PNPLA6: variants seen among roughly 807,000 people sequenced by gnomAD.
PNPLA6 encodes the protein patatin-like phospholipase domain-containing protein 6.
In PNPLA6, 105 loss-of-function variants were observed where a neutral mutation model predicts 153.7. The ratio of observed to expected loss-of-function variants is 0.68; its 90% CI spans 0.58 to 0.80. The LOEUF (loss-of-function observed/expected upper bound fraction) is 0.80. Ranked by LOEUF, PNPLA6 falls within the 30% of genes least tolerant of loss-of-function variation. The pLI is 0.00. For missense variants in PNPLA6, 1,423 were observed against 1,919.3 expected, an observed-to-expected ratio of 0.74 and a Z score of 4.83; for synonymous variants, 825 against 822.2, an observed-to-expected ratio of 1.00 and a Z score of -0.06.
Position 7,541,065 on chromosome 19 carries a change from C to G in PNPLA6, c.924+14C>G. Reference sequence around the variant, plus strand: ...CGGGTCGTGCAGGTCAGTGGGCCTTCGCCTCCTGTCACCCCCTGAGGGACC... The same window carrying G: ...CGGGTCGTGCAGGTCAGTGGGCCTTGGCCTCCTGTCACCCCCTGAGGGACC... On this transcript the variant is annotated intron_variant, in intron 7 of 31. Coordinates refer to ENST00000600737, the MANE Select transcript of PNPLA6 (RefSeq NM_001166114.2). This position sits in a 1 kb window ranked among gnomAD's most constrained non-coding sequence, Gnocchi z 5.2. The G allele has an allele frequency of 1.2e-6, 2 of 1,606,022 alleles. No homozygotes were observed. The highest frequency in any genetic ancestry group is 2.2e-5 in the South Asian group (2 of 89,810).
intron 18 of PNPLA6, among the ~76,000 whole-genome samples, chr19:7,551,769 C>T (rs1044776988): frequency 6.6e-6 from 1 of 152,010 alleles, no homozygotes; most frequent in South Asian, 2.1e-4. Context: ...GGGAAGTCCA[C>T]GGCCTGGACG....
At chr19:7,536,588 CAG>C (rs747468900) in intron 3 of PNPLA6, 42 bp downstream of exon 3, 1 of 1,324,526 alleles carries the variant, frequency 7.5e-7, no homozygotes. Flanking sequence ...GGGGTTATCT[CAG>C]GGGCCTTTTG....
rs140501151 is a variant in PNPLA6 at position 7,561,311 on chromosome 19, C to T, written c.4017C>T (p.Ser1339=). The T allele has an allele frequency of 1.4e-5, 23 of 1,601,916 alleles. No individual in the cohort carries two copies. Among genetic ancestry groups the T allele is most frequent in the South Asian group, 1.0e-4 (9 of 89,086 alleles). ...AGGGCGCAAGCCCCAGCACTGCCTC[C>T]GAGATGGTGAGAGTGGGTGGCCCAG... ...SPEGASPSTA[S]EMEEEKSILR... Residue 1339 remains serine (S), a synonymous_variant, in exon 31 of 32, where the codon TCC becomes TCT. Coordinates refer to ENST00000600737, the MANE Select transcript of PNPLA6 (RefSeq NM_001166114.2).
In PNPLA6 at chr19:7,556,548, C is replaced by T; in HGVS notation, c.3189C>T (p.Val1063=). The change falls in exon 25 of 32, where the codon GTC becomes GTT. Residue 1063 remains valine, a synonymous_variant. Coordinates refer to ENST00000600737, the MANE Select transcript of PNPLA6 (RefSeq NM_001166114.2). ...CCTTTAACCGCAGCATCCATCGGGT[C>T]TTCCAGGATAAGCAGATTGAGGTAG... The part of the protein sequence containing the change: ...GSAFNRSIHR[V]FQDKQIEDLW... The T allele has an allele frequency of 1.2e-6, 2 of 1,613,222 alleles. No homozygotes were observed. The highest frequency in any genetic ancestry group is 2.2e-5 in the South Asian group (2 of 91,070).
intron 13 of PNPLA6, among the ~76,000 whole-genome samples, chr19:7,547,168 G>A (rs756756875): frequency 6.6e-6 from 1 of 152,150 alleles, no homozygotes; most frequent in Non-Finnish European, 1.5e-5. Flanking sequence ...GCTTCCCAAA[G>A]TGCTGGGATT....
Position 7,560,635 on chromosome 19 carries a change from T to A in PNPLA6, c.3700-13T>A. On this transcript the variant is annotated splice_polypyrimidine_tract_variant and intron_variant, in intron 28 of 31. Transcript: ENST00000600737. ...GGGTTGCAGACATGGACCCAGCCCC[T>A]CATTTCCCACAGGATGTGGGCTACC... is the stretch of plus-strand genomic sequence containing the variant. The A allele has an allele frequency of 6.3e-7, 1 of 1,578,504 alleles. No homozygotes were observed. The highest frequency in any genetic ancestry group is 8.7e-7 in the Non-Finnish European group (1 of 1,147,646).
intron 2 of PNPLA6, 58 bp downstream of exon 2, chr19:7,536,331 A>T: frequency 2.0e-6 from 3 of 1,464,204 alleles, no homozygotes; most frequent in Non-Finnish European, 2.9e-6. Flanking sequence ...CCCCTTCCCT[A>T]TTTACACTTC....
rs2146101488 is a variant in PNPLA6, at chr19:7,554,537, G to GC, written c.2466-13dup. 6.2e-7 allele frequency: 1 copy of GC among 1,613,990 alleles called. No individual in the cohort carries two copies. The highest frequency in any genetic ancestry group is 8.5e-7 in the Non-Finnish European group (1 of 1,179,930). Reference sequence around the variant, plus strand: ...CCCAGGCCAACCCCAGGATGACGCTGCCCCCTTCCCACCCTAGCATCCAAG... The same window carrying GC: ...CCCAGGCCAACCCCAGGATGACGCTGCCCCCCTTCCCACCCTAGCATCCAAG... On this transcript the variant is annotated splice_polypyrimidine_tract_variant and intron_variant, in intron 20 of 31. Coordinates refer to ENST00000600737, the MANE Select transcript of PNPLA6 (RefSeq NM_001166114.2).
chr19:7,542,094 G>A lies in PNPLA6; in HGVS notation c.1252+27G>A, dbSNP rs1448252407. The stretch of plus-strand genomic sequence containing the variant: ...TTTGGAGCACTGGGTCTGCGGGGAG[G>A]GCCATGGAGCTTCCAGGTTTGAATC... On this transcript the variant is annotated intron_variant, in intron 10 of 31. Transcript: ENST00000600737. The A allele has an allele frequency of 7.6e-6, 12 of 1,581,180 alleles. No homozygotes were observed. The South Asian group carries it at 1.2e-4, about 16-fold the overall frequency.
intron 27 of PNPLA6, chr19:7,557,555 G>A (rs1568422554): frequency 8.3e-6 from 4 of 482,944 alleles, no homozygotes; most frequent in Non-Finnish European, 1.2e-5. Flanking sequence ...GGCCTGAGGT[G>A]GGTGGATCAC....
In PNPLA6 at chr19:7,556,675, C is replaced by A; in HGVS notation, c.3231C>A (p.Phe1077Leu). The A allele has an allele frequency of 1.2e-6, 2 of 1,613,860 alleles. No individual in the cohort carries two copies. The highest frequency in any genetic ancestry group is 1.7e-6 in the Non-Finnish European group (2 of 1,179,782). ...CGCAGGACCTGTGGCTGCCTTACTTCAACGTGACCACAGATATCACCGCCT... is the reference window on the plus strand; with the variant it reads ...CGCAGGACCTGTGGCTGCCTTACTTAAACGTGACCACAGATATCACCGCCT... ...KQIEDLWLPY[F>L]NVTTDITASA... The change falls in exon 26 of 32, where the codon TTC becomes TTA. Residue 1077 changes from phenylalanine (F) to leucine (L), a missense_variant. Phe to Leu is a conservative substitution (Grantham distance 22). This residue lies in a region of PNPLA6 where 643 missense variants were observed against 835.2 expected (regional missense o/e 0.77). Coordinates refer to ENST00000600737, the MANE Select transcript of PNPLA6 (RefSeq NM_001166114.2).
rs2146122797 is a variant in PNPLA6 at position 7,561,008 on chromosome 19, C to G, written c.3817-6C>G. 6.2e-7 allele frequency: 1 copy of G among 1,601,886 alleles called. No individual in the cohort carries two copies. On this transcript the variant is annotated splice_region_variant and splice_polypyrimidine_tract_variant and intron_variant, in intron 29 of 31. Transcript: ENST00000600737. Reference sequence around the variant, plus strand: ...CCCTAAGAGCCTCACCAGTGTCACCCCACAGGTGCTTGCCTTCCCAAGCTC... The same window carrying G: ...CCCTAAGAGCCTCACCAGTGTCACCGCACAGGTGCTTGCCTTCCCAAGCTC...
chr19:7,560,968 G>A (rs764852563), intron 29 of PNPLA6, 46 bp from the exon 30 acceptor site: 1 of 1,330,782 alleles, frequency 7.5e-7, no homozygotes, highest in South Asian at 1.2e-5. Flanking sequence ...GGGGCCCCAA[G>A]ACTCTGTGGG....
chr19:7,561,263 G>C lies in PNPLA6; in HGVS notation c.3969G>C (p.Ser1323=), dbSNP rs141360025. ...EYEEDAGPDC[S]RDEGGSPEGA... is the part of the protein sequence containing the mutation. ...AGGAGGACGCCGGACCCGACTGCTC[G>C]AGGGATGAAGGGGGGTCCCCCGAGG... Residue 1323 remains serine (S), a synonymous_variant, in exon 31 of 32, where the codon TCG becomes TCC. Transcript: ENST00000600737. 2 of 1,610,984 alleles carry C rather than the reference G, an allele frequency of 1.2e-6. No individual in the cohort carries two copies. The highest frequency in any genetic ancestry group is 1.7e-6 in the Non-Finnish European group (2 of 1,179,188).
chr19:7,556,540 C>T lies in PNPLA6; in HGVS notation c.3181C>T (p.His1061Tyr), dbSNP rs753273617. 6.4e-5 allele frequency: 104 copies of T among 1,613,312 alleles called. No individual in the cohort carries two copies. Among genetic ancestry groups the T allele is most frequent in the Admixed American group, 3.5e-4 (21 of 59,986 alleles). Residue 1061 changes from histidine (H) to tyrosine (Y), a missense_variant, in exon 25 of 32, where the codon CAT (histidine) becomes TAT (tyrosine). Transcript: ENST00000600737. ...TGGGTCTGCCTTTAACCGCAGCATC[C>T]ATCGGGTCTTCCAGGATAAGCAGAT... ...FTGSAFNRSI[H>Y]RVFQDKQIED... is the part of the protein sequence containing the mutation.
Position 7,555,720 on chromosome 19 carries a change from G to A in PNPLA6, c.3050G>A (p.Arg1017His). 1.2e-6 allele frequency: 2 copies of A among 1,613,802 alleles called. No homozygotes were observed. Among genetic ancestry groups the A allele is most frequent in the Non-Finnish European group, 1.7e-6 (2 of 1,179,856 alleles). Reference sequence around the variant, plus strand: ...ATCGGAGCGTTGTACGCGGAGGAGCGCAGCGCCAGCCGCACGAAGCAGCGG... The same window carrying A: ...ATCGGAGCGTTGTACGCGGAGGAGCACAGCGCCAGCCGCACGAAGCAGCGG... ...SFIGALYAEERSASRTKQRAR... is the reference protein window; with the variant it reads ...SFIGALYAEEHSASRTKQRAR... The change falls in exon 24 of 32, where the codon CGC becomes CAC. Residue 1017 changes from arginine to histidine, a missense_variant. Coordinates refer to ENST00000600737, the MANE Select transcript of PNPLA6 (RefSeq NM_001166114.2). This position sits in a 1 kb window ranked among gnomAD's most constrained non-coding sequence, Gnocchi z 6.3.
At chr19:7,549,534 G>C (rs906309394) in intron 13 of PNPLA6, among the ~76,000 whole-genome samples, 1 of 147,784 alleles carries the variant, frequency 6.8e-6, no homozygotes, top group African/African-American at 2.5e-5. Flanking sequence ...TGTCGCCCAG[G>C]CTGGAGTGCA....
chr19:7,542,822 A>G lies in PNPLA6; in HGVS notation c.1424A>G (p.Asp475Gly). The G allele has an allele frequency of 6.2e-7, 1 of 1,613,072 alleles. No homozygotes were observed. Among genetic ancestry groups the G allele is most frequent in the Non-Finnish European group, 8.5e-7 (1 of 1,179,930 alleles). The change falls in exon 12 of 32, where the codon GAT (aspartate) becomes GGT (glycine). Residue 475 changes from aspartate to glycine, a missense_variant. Physicochemically the swap from Asp to Gly is moderately conservative, Grantham distance 94. This residue lies in a region of PNPLA6 where 267 missense variants were observed against 255.1 expected (regional missense o/e 1.05). Coordinates refer to ENST00000600737, the MANE Select transcript of PNPLA6 (RefSeq NM_001166114.2). ...AGACEYSYCE[D>G]ESATGGCPFG... ...GCCTGTGAATACAGCTACTGTGAGG[A>G]TGAGTCGGCCACTGGTGGCTGCCCT... is the stretch of plus-strand genomic sequence containing the variant.
Position 7,552,604 on chromosome 19 carries a change from A to G in PNPLA6, c.2260+1167A>G, listed in dbSNP as rs538760875. Among the ~76,000 whole-genome samples the G allele has an allele frequency of 8.6e-5, 13 of 151,898 alleles. No homozygotes were observed. The South Asian group carries it at 2.7e-3, about 32-fold the overall frequency. On this transcript the variant is annotated intron_variant, in intron 18 of 31. Coordinates refer to ENST00000600737, the MANE Select transcript of PNPLA6 (RefSeq NM_001166114.2). ...AACTCATCTCTACTAAAAGTACAAAAATTAGTCGGGTGTGGTGGTGGGTGC... is the reference window on the plus strand; with the variant it reads ...AACTCATCTCTACTAAAAGTACAAAGATTAGTCGGGTGTGGTGGTGGGTGC...
Sources: allele counts gnomAD v4.1 joint callset (sites outside exome capture counted in the v4.1 genomes callset), GRCh38; gene constraint gnomAD v4.1.1; regional missense constraint gnomAD v4.1.1; non-coding constraint Gnocchi (gnomAD v3.1); transcripts MANE v1.5; gene names NCBI Gene and HGNC (gene_info 2026-07-23, HGNC 2026-07-21).